The following GFRA2 variants were observed in gnomAD, a reference collection of about 807,000 sequenced individuals.
GFRA2 encodes GDNF family receptor alpha 2, also known as GDNF family receptor alpha-2.
GFRA2 carries 17 observed loss-of-function variants against 48.3 expected under a neutral mutation model. That is an observed-to-expected ratio of 0.35 (90% CI 0.24 to 0.53). The LOEUF (loss-of-function observed/expected upper bound fraction) is 0.53, where lower values mean the gene tolerates loss of function less well. Among genes scored for constraint, GFRA2 ranks in the 20% least tolerant of loss-of-function variants. GFRA2 has a pLI of 0.93. For missense variants in GFRA2, 660 were observed against 637.3 expected, an observed-to-expected ratio of 1.04 and a Z score of -0.38; for synonymous variants, 305 against 257.2, an observed-to-expected ratio of 1.19 and a Z score of -1.78.
chr8:21,727,819 C>T (rs187738263), intron 4 of GFRA2, among the ~76,000 whole-genome samples: 8 of 152,296 alleles, frequency 5.3e-5, no homozygotes, highest in Admixed American at 3.9e-4. Flanking sequence ...TCTGGATTCA[C>T]GGAAAATACT....
At chr8:21,749,332 T>A (rs902678874) in intron 4 of GFRA2, among the ~76,000 whole-genome samples, 2 of 151,782 alleles carry the variant, frequency 1.3e-5, no homozygotes, top group Non-Finnish European at 2.9e-5. Context: ...TGGACCTACG[T>A]TATGTCATCT....
intron 1 of GFRA2, 93 bp downstream of exon 1, chr8:21,788,027 G>GACCA: frequency 3.5e-6 from 2 of 573,754 alleles, no homozygotes; most frequent in Non-Finnish European, 2.8e-6. Context: ...TCTCCCCGCC[G>GACCA]ACCTCCCGCC....
At chr8:21,715,820 TAAG>T (rs1292928496) in intron 4 of GFRA2, among the ~76,000 whole-genome samples, 1 of 151,970 alleles carries the variant, frequency 6.6e-6, no homozygotes, top group Non-Finnish European at 1.5e-5. Context: ...ATAATCCTAA[TAAG>T]AATACACATG....
intron 3 of GFRA2, among the ~76,000 whole-genome samples, chr8:21,767,284 G>A (rs1217312246): frequency 6.7e-6 from 1 of 149,160 alleles, no homozygotes; most frequent in East Asian, 2.0e-4. Flanking sequence ...ACACACCACT[G>A]CCTATACATA....
At chr8:21,779,080 G>T (rs1353681539) in intron 2 of GFRA2, among the ~76,000 whole-genome samples, 4 of 151,726 alleles carry the variant, frequency 2.6e-5, no homozygotes, top group African/African-American at 9.7e-5. Context: ...GGCTCCAGTG[G>T]TCCCAGCTAC....
rs1008097909 is a variant in GFRA2, at chr8:21,696,712, C to T, written c.1219-2195G>A. Among the ~76,000 whole-genome samples the T allele has an allele frequency of 1.1e-4, 17 of 152,228 alleles. No homozygotes were observed. The South Asian group carries it at 2.1e-3, about 19-fold the overall frequency. On this transcript the variant is annotated intron_variant, in intron 7 of 8. Transcript: ENST00000524240. ...GGGCCTGCAACTGGACTTTGCTCCT[C>T]GGAGTGAGCAGAACTTGACAAGTTC...
At chr8:21,778,863 C>T (rs369014436) in intron 2 of GFRA2, among the ~76,000 whole-genome samples, 2 of 150,898 alleles carry the variant, frequency 1.3e-5, no homozygotes, top group South Asian at 2.1e-4. Flanking sequence ...CTCCAGCCTG[C>T]GATAACAGAG....
intron 4 of GFRA2, among the ~76,000 whole-genome samples, chr8:21,720,006 C>T (rs1585252022): frequency 1.3e-5 from 2 of 152,198 alleles, no homozygotes; most frequent in South Asian, 4.1e-4. Flanking sequence ...CTCAAAGACC[C>T]AGACCCCCTC....
chr8:21,758,880 A>G (rs530852602), intron 3 of GFRA2, among the ~76,000 whole-genome samples: 11 of 151,580 alleles, frequency 7.3e-5, no homozygotes, highest in African/African-American at 2.4e-4. Flanking sequence ...ATGTGTGCAC[A>G]CCGAGGTGCA....
At chr8:21,730,129 G>A (rs997853183) in intron 4 of GFRA2, among the ~76,000 whole-genome samples, 1 of 152,176 alleles carries the variant, frequency 6.6e-6, no homozygotes, top group Admixed American at 6.5e-5. Flanking sequence ...ACCCGGCCAG[G>A]CGCGGTGGCT....
intron 1 of GFRA2, among the ~76,000 whole-genome samples, chr8:21,785,608 C>T (rs1335249050): frequency 5.3e-5 from 8 of 152,160 alleles, no homozygotes; most frequent in Admixed American, 5.2e-4. Context: ...TACAATTGCC[C>T]TACTGCATCC....
chr8:21,768,813 A>C (rs1159649642), intron 3 of GFRA2, among the ~76,000 whole-genome samples: 1 of 152,124 alleles, frequency 6.6e-6, no homozygotes, highest in Non-Finnish European at 1.5e-5. Context: ...GTCATGGAGA[A>C]GTCCTGGGCT....
At chr8:21,774,256 C>T (rs1376469082) in intron 3 of GFRA2, among the ~76,000 whole-genome samples, 1 of 151,630 alleles carries the variant, frequency 6.6e-6, no homozygotes, top group East Asian at 1.9e-4. Context: ...GAGAACAAAG[C>T]CGAGAAGAAA....
chr8:21,729,853 T>C (rs1804093674), intron 4 of GFRA2, among the ~76,000 whole-genome samples: 1 of 152,056 alleles, frequency 6.6e-6, no homozygotes, highest in African/African-American at 2.4e-5. Context: ...CATCCCGCCC[T>C]GACCTGCCTG....
intron 2 of GFRA2, among the ~76,000 whole-genome samples, chr8:21,778,080 G>A (rs1262288318): frequency 6.6e-6 from 1 of 152,186 alleles, no homozygotes; most frequent in East Asian, 1.9e-4. Flanking sequence ...GGTAAATCAC[G>A]CCCACCAGCA....
At position 21,705,184 on chromosome 8, in the gene GFRA2, C is replaced by T. The variant is rs533419407; in HGVS notation, c.905-59G>A. Reference sequence around the variant, plus strand: ...GGTACGGTGGGGCCTTCCCCTTGGGCCCACAGACCAACCCCAGGCACAGCA... The same window carrying T: ...GGTACGGTGGGGCCTTCCCCTTGGGTCCACAGACCAACCCCAGGCACAGCA... On this transcript the variant is annotated intron_variant, in intron 5 of 8. Transcript: ENST00000524240. 4.9e-5 allele frequency: 75 copies of T among 1,541,268 alleles called. No individual in the cohort carries two copies. The Middle Eastern group carries it at 1.2e-3, about 25-fold the overall frequency.
chr8:21,742,139 G>C (rs1804777784), intron 4 of GFRA2, among the ~76,000 whole-genome samples: 1 of 152,056 alleles, frequency 6.6e-6, no homozygotes. Flanking sequence ...TGGAGGGGAA[G>C]TCTAGATGTT....
At chr8:21,748,257 C>T (rs1260313305) in intron 4 of GFRA2, among the ~76,000 whole-genome samples, 1 of 152,122 alleles carries the variant, frequency 6.6e-6, no homozygotes, top group Non-Finnish European at 1.5e-5. Context: ...CCCCAGGCCC[C>T]TCAAATGCTG....
At chr8:21,806,655 T>A (rs540272890) in intron 1 of GFRA2, among the ~76,000 whole-genome samples, 5 of 152,292 alleles carry the variant, frequency 3.3e-5, no homozygotes, top group African/African-American at 1.2e-4. Context: ...TTTGTAGAGA[T>A]GGGGTCTTGC....
Sources: gnomAD v4.1 joint callset for allele counts (sites outside exome capture counted in the v4.1 genomes callset) on GRCh38, gnomAD v4.1.1 for gene constraint, MANE v1.5 for transcripts, NCBI Gene and HGNC (gene_info 2026-07-23, HGNC 2026-07-21) for gene names.